Variants in USP22 observed in about 807,000 individuals in gnomAD.
The protein encoded by USP22 is ubiquitin carboxyl-terminal hydrolase 22.
In USP22, 22 loss-of-function variants were observed where a neutral mutation model predicts 68.1. The ratio of observed to expected loss-of-function variants is 0.32; its 90% CI spans 0.23 to 0.46. The LOEUF (loss-of-function observed/expected upper bound fraction) is 0.46, where lower values mean the gene tolerates loss of function less well. Ranked by LOEUF, USP22 falls within the 20% of genes least tolerant of loss-of-function variation. The pLI is 1.00. For missense variants in USP22, 433 were observed against 695.8 expected (o/e 0.62, Z 4.25); for synonymous variants, 279 against 274.2 (o/e 1.02, Z -0.17).
chr17:21,005,228 T>C (rs986438425), intron 10 of USP22: 2 of 533,332 alleles, frequency 3.8e-6, no homozygotes, highest in Admixed American at 3.5e-5. Context: ...CCCCTGGTTC[T>C]TCCAAGGTGG....
At chr17:21,012,398 T>C (rs1184275202) in intron 7 of USP22, among the ~76,000 whole-genome samples, 1 of 152,088 alleles carries the variant, frequency 6.6e-6, no homozygotes, top group African/African-American at 2.4e-5. Context: ...TGAGAAGAAT[T>C]AGGGCCACTA....
At chr17:21,004,473 C>T (rs1489628172) in intron 11 of USP22, 122 bp from the exon 12 acceptor site, 13 of 1,249,770 alleles carry the variant, frequency 1.0e-5, no homozygotes, top group Non-Finnish European at 1.5e-5. Context: ...TGTCAACCCC[C>T]AGGGCCTCAG....
chr17:21,016,338 G>A (rs1914132589), intron 5 of USP22, among the ~76,000 whole-genome samples: 1 of 152,186 alleles, frequency 6.6e-6, no homozygotes, highest in African/African-American at 2.4e-5. Context: ...TGAGGCTAAT[G>A]GCAATTAGCT....
intron 1 of USP22, among the ~76,000 whole-genome samples, chr17:21,041,234 G>A (rs1446910507): frequency 6.6e-6 from 1 of 152,070 alleles, no homozygotes; most frequent in African/African-American, 2.4e-5. Context: ...CTCTAACTCC[G>A]ATCCTGAAAC....
chr17:21,014,624 C>T (rs1346169475), intron 6 of USP22, among the ~76,000 whole-genome samples: 2 of 152,152 alleles, frequency 1.3e-5, no homozygotes, highest in Non-Finnish European at 2.9e-5. Context: ...TCTCAGAACC[C>T]ATAGGTTGTA....
intron 2 of USP22, 113 bp downstream of exon 2, chr17:21,028,429 C>T: frequency 6.6e-7 from 1 of 1,514,674 alleles, no homozygotes; most frequent in Non-Finnish European, 8.9e-7. Context: ...GCACGCATTA[C>T]TTGAGACAAA....
intron 2 of USP22, among the ~76,000 whole-genome samples, chr17:21,025,076 T>C (rs1206468609): frequency 6.6e-6 from 1 of 152,064 alleles, no homozygotes; most frequent in African/African-American, 2.4e-5. Flanking sequence ...GGAGAAAACA[T>C]TTGCAAATCA....
intron 1 of USP22, among the ~76,000 whole-genome samples, chr17:21,040,683 G>A (rs1156853208): frequency 6.6e-6 from 1 of 151,956 alleles, no homozygotes; most frequent in African/African-American, 2.4e-5. Flanking sequence ...CCTTCTATTT[G>A]GTTAAAAAAT....
chr17:21,022,964 T>C (rs918481729), intron 2 of USP22, among the ~76,000 whole-genome samples: 1 of 151,980 alleles, frequency 6.6e-6, no homozygotes, highest in African/African-American at 2.4e-5. Flanking sequence ...ATAAAGAAAA[T>C]GTACATATAT....
chr17:21,016,566 C>T (rs1284250481), intron 5 of USP22, among the ~76,000 whole-genome samples: 3 of 152,236 alleles, frequency 2.0e-5, no homozygotes, highest in Non-Finnish European at 2.9e-5. Context: ...TAAACCATAA[C>T]CCATCTACAT....
intron 7 of USP22, 45 bp downstream of exon 7, chr17:21,012,785 G>T: frequency 6.5e-7 from 1 of 1,549,680 alleles, no homozygotes; most frequent in Non-Finnish European, 8.9e-7. Flanking sequence ...TGTCAGTACG[G>T]CCCCAGAGGG....
intron 5 of USP22, among the ~76,000 whole-genome samples, chr17:21,016,435 G>A (rs1254422422): frequency 1.3e-5 from 2 of 152,186 alleles, no homozygotes; most frequent in African/African-American, 4.8e-5. Context: ...TTCCTCCCCA[G>A]GTCAGAACCC....
chr17:21,008,528 A>G (rs762210176), intron 8 of USP22, among the ~76,000 whole-genome samples: 5 of 152,202 alleles, frequency 3.3e-5, no homozygotes, highest in South Asian at 2.1e-4. Flanking sequence ...GGGTTCCGTT[A>G]TATCATTCAG....
In USP22 at chr17:21,004,780, CGGG is replaced by C; in HGVS notation, c.1385+145_1385+147del. The stretch of plus-strand genomic sequence containing the variant: ...GGAGCGGCCTTTCCTAGTGGAGCTG[CGGG>C]CAGCCAATAGTGGAGCTGCGGGCAG... On this transcript the variant is annotated intron_variant, in intron 11 of 12. Transcript: ENST00000261497. 4 of 85,640 alleles carry C rather than the reference CGGG, an allele frequency of 4.7e-5. 1 individual carries two copies. The highest frequency in any genetic ancestry group is 2.0e-4 in the Admixed American group (1 of 5,096). The allele number at this position is 85,640 out of a possible 1,614,324, so 5.3% of individuals were successfully genotyped here. A position where few individuals can be genotyped will look rare whatever the true frequency, so the allele number is the denominator to read the frequency against.
At chr17:21,012,261 AAAAAAC>A (rs535068677) in intron 7 of USP22, among the ~76,000 whole-genome samples, 97 of 152,124 alleles carry the variant, frequency 6.4e-4, no homozygotes, top group Non-Finnish European at 1.2e-3. Context: ...CCATGCCTGA[AAAAAAC>A]AAAAACAAAA....
rs1479146259 is a variant in USP22, at chr17:20,999,837, A to G, written c.*3194T>C. 1 of 152,268 alleles carries G rather than the reference A, an allele frequency of 6.6e-6. No individual in the cohort carries two copies. Among genetic ancestry groups the G allele is most frequent in the Non-Finnish European group, 1.5e-5 (1 of 68,046 alleles). 9.4% of individuals were successfully genotyped at this position (152,268 alleles called of 1,614,324 possible). ...AGCAATTTTACACAATGAAGAGCATACACACCAAGCCAAAATACAATAGCA... is the reference window on the plus strand; with the variant it reads ...AGCAATTTTACACAATGAAGAGCATGCACACCAAGCCAAAATACAATAGCA... On this transcript the variant is annotated 3_prime_UTR_variant, in exon 13 of 13. Transcript: ENST00000261497.
intron 3 of USP22, among the ~76,000 whole-genome samples, chr17:21,020,489 T>TTCTGGTGGGTCTAGTTTCCA (rs1477895695): frequency 3.9e-5 from 6 of 152,110 alleles, no homozygotes; most frequent in African/African-American, 1.2e-4. Context: ...CCTAGTTTCC[T>TTCTGGTGGGTCTAGTTTCCA]TCTGGTGGGT....
At chr17:21,026,162 G>A (rs1463614159) in intron 2 of USP22, among the ~76,000 whole-genome samples, 1 of 152,178 alleles carries the variant, frequency 6.6e-6, no homozygotes, top group East Asian at 1.9e-4. Flanking sequence ...GGTGGCTGAG[G>A]CAGGAGAATT....
chr17:21,020,841 C>T (rs1178581507), intron 3 of USP22, among the ~76,000 whole-genome samples: 1 of 152,148 alleles, frequency 6.6e-6, no homozygotes, highest in Non-Finnish European at 1.5e-5. Context: ...TCCCTTGGCC[C>T]AGCTGCAGGC....
Sources: allele counts gnomAD v4.1 joint callset (sites outside exome capture counted in the v4.1 genomes callset), GRCh38; gene constraint gnomAD v4.1.1; transcripts MANE v1.5; gene names NCBI Gene and HGNC (gene_info 2026-07-23, HGNC 2026-07-21).